The following MSN variants were observed in gnomAD, a reference collection of about 807,000 sequenced individuals.
The protein encoded by MSN is moesin, also known as epididymis luminal protein 70.
Under a neutral mutation model 48.0 loss-of-function variants are expected in MSN, and 2 were observed. That is an observed-to-expected ratio of 0.04 (90% CI 0.02 to 0.13). The LOEUF (loss-of-function observed/expected upper bound fraction) is 0.13. Ranked by LOEUF, MSN falls within the 10% of genes least tolerant of loss-of-function variation. The pLI is 1.00. For synonymous variants in MSN, 146 were observed against 166.9 expected, an observed-to-expected ratio of 0.87 and a Z score of 0.97; for missense variants, 267 against 470.1, an observed-to-expected ratio of 0.57 and a Z score of 3.99.
At chrX:65,695,536 A>AAC (rs2071227955) in intron 1 of MSN, among the ~76,000 whole-genome samples, 2 of 101,735 alleles carry the variant, frequency 2.0e-5, no homozygotes, top group African/African-American at 8.0e-5. Context: ...AAAAAAAAAC[A>AAC]AAGAAAGAAA....
At chrX:65,666,091 C>T (rs777858800), upstream of MSN, among the ~76,000 whole-genome samples, 7 of 110,652 alleles carry the variant, frequency 6.3e-5, no homozygotes, top group Non-Finnish European at 1.1e-4. Context: ...GGGCTCAGTG[C>T]AGCCTCCGCC....
chrX:65,609,611 C>T (rs992922123), intron 1 of MSN, among the ~76,000 whole-genome samples: 2 of 111,574 alleles, frequency 1.8e-5, no homozygotes, highest in Non-Finnish European at 3.8e-5. Flanking sequence ...TGGCCAGGCG[C>T]GGTGGCTCAT....
rs78492641 is a variant in MSN at position 65,613,445 on chromosome X, G to T, written c.-22+24833G>T. Among the ~76,000 whole-genome samples the T allele has an allele frequency of 3.9e-3, 417 of 108,295 alleles. 1 individual carries two copies. The highest frequency in any genetic ancestry group is 0.013 in the African/African-American group (370 of 29,445). The allele number at this position is 108,295 out of a possible 115,157, so 94.0% of individuals were successfully genotyped here. A position where few individuals can be genotyped will look rare whatever the true frequency, so the allele number is the denominator to read the frequency against. On this transcript the variant is annotated intron_variant, in intron 1 of 3. Coordinates refer to the MSN transcript ENST00000609672. ...TCTGCTTCTAGATCCTTCAGGAATC[G>T]CCACATTGTCTTCCACAATGGTTGA...
intron 5 of MSN, among the ~76,000 whole-genome samples, chrX:65,731,460 G>A (rs1030737231): frequency 1.8e-5 from 2 of 111,543 alleles, no homozygotes; most frequent in Admixed American, 9.5e-5. Flanking sequence ...ATTTTTGAGG[G>A]TTGTGTAGTT....
chrX:65,729,092 G>A (rs1046773494), intron 3 of MSN, among the ~76,000 whole-genome samples: 1 of 112,008 alleles, frequency 8.9e-6, no homozygotes, highest in Non-Finnish European at 1.9e-5. Flanking sequence ...AATTTATGAA[G>A]TTGGAGGAGA....
At chrX:65,739,259 C>G (rs2071711754) in intron 12 of MSN, 65 bp downstream of exon 12, 8 of 1,030,810 alleles carry the variant, frequency 7.8e-6, no homozygotes, top group Non-Finnish European at 1.1e-5. Context: ...ATGGCATTCC[C>G]TAGACCATCA....
intron 1 of MSN, among the ~76,000 whole-genome samples, chrX:65,654,103 C>CTTT (rs776587090): frequency 1.0e-4 from 7 of 67,690 alleles, no homozygotes; most frequent in African/African-American, 2.0e-4. Context: ...GGAGACCCTT[C>CTTT]TTTTTTTTTT....
chrX:65,677,861 T>G (rs1602782491), intron 1 of MSN, among the ~76,000 whole-genome samples: 1 of 111,674 alleles, frequency 9.0e-6, no homozygotes, highest in South Asian at 3.7e-4. Flanking sequence ...ATCTAGCATA[T>G]GCTTGGTGGG....
chrX:65,670,924 A>C (rs1278643954), intron 1 of MSN, among the ~76,000 whole-genome samples: 7 of 55,822 alleles, frequency 1.3e-4, no homozygotes, highest in Non-Finnish European at 2.0e-4. Flanking sequence ...ATATATATAT[A>C]TATATATATA....
intron 1 of MSN, among the ~76,000 whole-genome samples, chrX:65,633,976 C>T (rs776547923): frequency 1.8e-5 from 2 of 111,684 alleles, no homozygotes; most frequent in African/African-American, 3.2e-5. Context: ...TACCACCAGA[C>T]CACATCCCCT....
intron 1 of MSN, among the ~76,000 whole-genome samples, chrX:65,675,234 A>G (rs1037509485): frequency 8.9e-6 from 1 of 112,129 alleles, no homozygotes; most frequent in African/African-American, 3.2e-5. Flanking sequence ...CCTATCTCCT[A>G]TTTAATTGGG....
intron 12 of MSN, 117 bp from the exon 13 acceptor site, chrX:65,739,612 T>G (rs1452750749): frequency 4.9e-6 from 4 of 823,372 alleles, no homozygotes; most frequent in South Asian, 3.3e-5. Context: ...TATTTATATA[T>G]AGAGAGAAAG....
rs367657269 is a variant in MSN, at chrX:65,672,299, A to G, written c.12+4446A>G. Among the ~76,000 whole-genome samples the G allele has an allele frequency of 1.8e-4, 20 of 112,413 alleles. 1 individual carries two copies. Among genetic ancestry groups the G allele is most frequent in the Middle Eastern group, 4.6e-3 (1 of 218 alleles). ...TCTGTCTCTAATCTTTCAAAGATAG[A>G]ATTGAATTTATCATGTGCCTCTTTC... On this transcript the variant is annotated intron_variant, in intron 1 of 12. Coordinates refer to ENST00000360270, the MANE Select transcript of MSN (RefSeq NM_002444.3).
At chrX:65,661,452 A>G (rs1274781813) in intron 1 of MSN, among the ~76,000 whole-genome samples, 1 of 112,402 alleles carries the variant, frequency 8.9e-6, no homozygotes, top group Non-Finnish European at 1.9e-5. Context: ...CTCGCACTCC[A>G]GGAATGAAGC....
In MSN at chrX:65,741,531, G is replaced by GT. The variant is rs1404428433; in HGVS notation, c.*1643dup. ...TCCATTCTTAAAGTACTTGTTATTTGTTTTTATTATTACTGTTTGTCTTCT... is the reference window on the plus strand; with the variant it reads ...TCCATTCTTAAAGTACTTGTTATTTGTTTTTTATTATTACTGTTTGTCTTCT... On this transcript the variant is annotated 3_prime_UTR_variant, in exon 13 of 13. Coordinates refer to ENST00000360270, the MANE Select transcript of MSN (RefSeq NM_002444.3). 2 of 167,555 alleles carry GT rather than the reference G, an allele frequency of 1.2e-5. No homozygotes were observed. Among genetic ancestry groups the GT allele is most frequent in the African/African-American group, 6.0e-5 (2 of 33,322 alleles). 13.8% of individuals were successfully genotyped at this position (167,555 alleles called of 1,213,427 possible).
At chrX:65,669,904 T>A (rs769088236) in intron 1 of MSN, among the ~76,000 whole-genome samples, 1 of 111,263 alleles carries the variant, frequency 9.0e-6, no homozygotes, top group African/African-American at 3.3e-5. Flanking sequence ...TAAGGGCACA[T>A]GGTGACTGAG....
chrX:65,720,861 G>C (rs773449592), intron 2 of MSN, among the ~76,000 whole-genome samples: 17 of 112,294 alleles, frequency 1.5e-4, no homozygotes, highest in African/African-American at 4.8e-4. Context: ...GGAAAGGGAA[G>C]TAGGACTCAT....
intron 1 of MSN, among the ~76,000 whole-genome samples, chrX:65,677,364 G>T (rs1244798693): frequency 1.8e-5 from 2 of 112,232 alleles, no homozygotes; most frequent in Non-Finnish European, 3.8e-5. Flanking sequence ...GATACTTGTG[G>T]GAGACTGACT....
chrX:65,624,221 G>A (rs1602730053), intron 1 of MSN, among the ~76,000 whole-genome samples: 1 of 109,417 alleles, frequency 9.1e-6, no homozygotes, highest in Admixed American at 9.8e-5. Context: ...TGGGATTACA[G>A]GCATGCACCA....
Sources: gnomAD v4.1 joint callset for allele counts (sites outside exome capture counted in the v4.1 genomes callset) on GRCh38, gnomAD v4.1.1 for gene constraint, MANE v1.5 for transcripts, NCBI Gene and HGNC (gene_info 2026-07-23, HGNC 2026-07-21) for gene names.